ENTPD3: variants seen among roughly 807,000 people sequenced by gnomAD.
The protein encoded by ENTPD3 is CD39 antigen-like 3.
In ENTPD3, 60 loss-of-function variants were observed where a neutral mutation model predicts 51.2. The ratio of observed to expected loss-of-function variants is 1.17; its 90% CI spans 0.95 to 1.45. The LOEUF (loss-of-function observed/expected upper bound fraction) is 1.45. Ranked by LOEUF, ENTPD3 falls within the 40% of genes most tolerant of loss-of-function variation. The probability of loss-of-function intolerance (pLI) is 0.00; values close to 1 mark genes in which losing one functional copy is unlikely to be tolerated. For synonymous variants in ENTPD3, 221 were observed against 238.4 expected (o/e 0.93, Z 0.67); for missense variants, 593 against 641.1 (o/e 0.93, Z 0.81).
chr3:40,391,957 TACAAA>T, intron 2 of ENTPD3, 61 bp from the exon 3 acceptor site: 37 of 1,591,132 alleles, frequency 2.3e-5, no homozygotes, highest in Non-Finnish European at 2.8e-5. Flanking sequence ...CCATCAATTC[TACAAA>T]GAATACCAGT....
intron 7 of ENTPD3, among the ~76,000 whole-genome samples, chr3:40,421,143 C>T (rs1389984647): frequency 1.3e-5 from 2 of 151,662 alleles, no homozygotes; most frequent in African/African-American, 2.4e-5. Context: ...CCTGCCTCAG[C>T]CTCCTGAGTA....
At chr3:40,390,954 ATTT>A (rs1255125754) in intron 2 of ENTPD3, 1 of 151,944 alleles carries the variant, frequency 6.6e-6, no homozygotes, top group Admixed American at 6.6e-5. Context: ...TATAGTACTA[ATTT>A]TTTTATTTTT....
intron 4 of ENTPD3, among the ~76,000 whole-genome samples, chr3:40,411,002 T>C (rs560963428): frequency 3.9e-5 from 6 of 152,032 alleles, no homozygotes; most frequent in Non-Finnish European, 8.8e-5. Flanking sequence ...TAAGAAATTA[T>C]TTTTTTGGCA....
chr3:40,397,648 T>C (rs1399067048), intron 3 of ENTPD3, among the ~76,000 whole-genome samples: 1 of 152,160 alleles, frequency 6.6e-6, no homozygotes, highest in Non-Finnish European at 1.5e-5. Flanking sequence ...TAAACAAATC[T>C]AAGAAAGTTG....
At chr3:40,414,882 T>C in intron 6 of ENTPD3, 42 bp downstream of exon 6, 1 of 1,604,674 alleles carries the variant, frequency 6.2e-7, no homozygotes, top group Non-Finnish European at 8.5e-7. Flanking sequence ...TTACTGTTTA[T>C]CCTATCCCCT....
intron 4 of ENTPD3, among the ~76,000 whole-genome samples, chr3:40,403,485 T>G (rs13099333): frequency 0.058 from 8,791 of 152,172 alleles, 345 homozygotes; most frequent in East Asian, 0.17. Context: ...CTGCCACTCT[T>G]GGATGTTTGC....
chr3:40,402,650 TCA>T (rs1225561341), intron 4 of ENTPD3, among the ~76,000 whole-genome samples: 1 of 152,176 alleles, frequency 6.6e-6, no homozygotes, highest in Non-Finnish European at 1.5e-5. Context: ...TAATACCGTC[TCA>T]CAGTTTGTAG....
Position 40,427,342 on chromosome 3 carries a change from GC to G in ENTPD3, c.1427del (p.Pro476LeufsTer2). The G allele has an allele frequency of 1.2e-6, 2 of 1,614,154 alleles. No individual in the cohort carries two copies. Among genetic ancestry groups the G allele is most frequent in the Non-Finnish European group, 1.7e-6 (2 of 1,180,034 alleles). ...CTGACCAACCAGATCCCAGCTGAAAGCCCTCTGATCCGTCTGCCCATAGAAC... is the reference window on the plus strand; with the variant it reads ...CTGACCAACCAGATCCCAGCTGAAAGCCTCTGATCCGTCTGCCCATAGAAC... ...LSLTNQIPAE[S>X]PLIRLPIEPP... On this transcript the variant is annotated frameshift_variant, in exon 11 of 11. Coordinates refer to ENST00000301825, the MANE Select transcript of ENTPD3 (RefSeq NM_001248.4). LOFTEE classifies it low-confidence loss of function (END_TRUNC).
chr3:40,398,010 A>G (rs940571345), intron 3 of ENTPD3, among the ~76,000 whole-genome samples: 1 of 152,186 alleles, frequency 6.6e-6, no homozygotes, highest in Non-Finnish European at 1.5e-5. Flanking sequence ...TAGGCAAAAG[A>G]GCTCTGAAAA....
chr3:40,405,321 A>G (rs955086227), intron 4 of ENTPD3, among the ~76,000 whole-genome samples: 15 of 152,088 alleles, frequency 9.9e-5, no homozygotes, highest in Non-Finnish European at 2.1e-4. Flanking sequence ...CCTGGCCAAC[A>G]TGATGAAACT....
intron 7 of ENTPD3, among the ~76,000 whole-genome samples, chr3:40,417,862 T>G (rs1955782809): frequency 6.6e-6 from 1 of 152,206 alleles, no homozygotes; most frequent in African/African-American, 2.4e-5. Context: ...GGGTAGAATG[T>G]GGAGGCTCAG....
intron 4 of ENTPD3, among the ~76,000 whole-genome samples, chr3:40,407,683 C>A (rs1955535265): frequency 6.6e-6 from 1 of 152,030 alleles, no homozygotes; most frequent in South Asian, 2.1e-4. Flanking sequence ...GAGGACTTAG[C>A]CTTACACACT....
chr3:40,410,303 C>T (rs958414571), intron 4 of ENTPD3, among the ~76,000 whole-genome samples: 1 of 151,742 alleles, frequency 6.6e-6, no homozygotes, highest in Non-Finnish European at 1.5e-5. Context: ...TAGCCAGGCA[C>T]GGTGGCACGT....
chr3:40,424,199 G>A (rs1029573766), intron 10 of ENTPD3: 60 of 982,506 alleles, frequency 6.1e-5, no homozygotes, highest in East Asian at 4.5e-4. Context: ...TGGACTAGGC[G>A]GTCCTGGAGG....
intron 10 of ENTPD3, among the ~76,000 whole-genome samples, chr3:40,425,611 A>C (rs541984717): frequency 1.1e-4 from 17 of 151,884 alleles, no homozygotes; most frequent in African/African-American, 3.9e-4. Flanking sequence ...ATTTACATTA[A>C]AAAAGCCGGG....
intron 7 of ENTPD3, among the ~76,000 whole-genome samples, chr3:40,418,439 T>A (rs1008860675): frequency 6.6e-6 from 1 of 152,190 alleles, no homozygotes; most frequent in Non-Finnish European, 1.5e-5. Flanking sequence ...ATCTGTAATA[T>A]AAGGAACTAC....
intron 7 of ENTPD3, 129 bp downstream of exon 7, chr3:40,416,202 C>G (rs1955744752): frequency 1.5e-6 from 1 of 654,462 alleles, no homozygotes; most frequent in Non-Finnish European, 2.7e-6. Flanking sequence ...ACAGCATTTT[C>G]CAATTTACTC....
intron 4 of ENTPD3, among the ~76,000 whole-genome samples, chr3:40,407,718 G>A (rs935311776): frequency 2.6e-5 from 4 of 152,154 alleles, no homozygotes; most frequent in Non-Finnish European, 2.9e-5. Context: ...TTGGGGAGAG[G>A]AAGAGGATCC....
At chr3:40,418,660 C>T (rs527310138) in intron 7 of ENTPD3, among the ~76,000 whole-genome samples, 72 of 152,182 alleles carry the variant, frequency 4.7e-4, no homozygotes, top group African/African-American at 1.7e-3. Flanking sequence ...TTAGGAGATG[C>T]ACACCAAAAA....
Sources: gnomAD v4.1 joint callset for allele counts (sites outside exome capture counted in the v4.1 genomes callset) on GRCh38, gnomAD v4.1.1 for gene constraint, MANE v1.5 for transcripts, NCBI Gene and HGNC (gene_info 2026-07-23, HGNC 2026-07-21) for gene names.